SLC4A4: variants seen among roughly 807,000 people sequenced by gnomAD.
SLC4A4 encodes electrogenic sodium bicarbonate cotransporter 1.
In SLC4A4, 27 loss-of-function variants were observed where a neutral mutation model predicts 111.5. That is an observed-to-expected ratio of 0.24 (90% CI 0.18 to 0.33). The LOEUF (loss-of-function observed/expected upper bound fraction) is 0.33. Ranked by LOEUF, SLC4A4 falls within the 10% of genes least tolerant of loss-of-function variation. The probability of loss-of-function intolerance (pLI) is 1.00; values close to 1 mark genes in which losing one functional copy is unlikely to be tolerated. For synonymous variants in SLC4A4, 443 were observed against 463.4 expected, an observed-to-expected ratio of 0.96 and a Z score of 0.57; for missense variants, 909 against 1,315.5, an observed-to-expected ratio of 0.69 and a Z score of 4.78.
rs535818973 is a variant in SLC4A4, at chr4:71,075,936, C to T, written c.-65+13148C>T. Among the ~76,000 whole-genome samples, 30 of 149,634 alleles carry T rather than the reference C, an allele frequency of 2.0e-4. No individual in the cohort carries two copies. The South Asian group carries it at 6.2e-3, about 31-fold the overall frequency. On this transcript the variant is annotated intron_variant, in intron 1 of 26. Transcript: ENST00000649996. The stretch of plus-strand genomic sequence containing the variant: ...AGATTGCCATTGCACTCCAGCCTGG[C>T]GACAGAGCGAGACTCCATCTCTAAA...
intron 6 of SLC4A4, among the ~76,000 whole-genome samples, chr4:71,366,461 A>G (rs989497351): frequency 1.3e-5 from 2 of 152,062 alleles, no homozygotes; most frequent in African/African-American, 4.8e-5. Flanking sequence ...ATGTAAAACA[A>G]TATTCCTCAC....
At chr4:71,320,767 G>C (rs1727058605) in intron 3 of SLC4A4, among the ~76,000 whole-genome samples, 1 of 151,982 alleles carries the variant, frequency 6.6e-6, no homozygotes, top group Non-Finnish European at 1.5e-5. Context: ...TAAGTTTTAT[G>C]ATCGATAGTT....
intron 2 of SLC4A4, among the ~76,000 whole-genome samples, chr4:71,123,290 A>G (rs1238449232): frequency 2.6e-5 from 4 of 152,220 alleles, no homozygotes; most frequent in Non-Finnish European, 4.4e-5. Context: ...AATGAATGAA[A>G]AAGGCATATA....
chr4:71,452,224 C>T (rs992832114), intron 11 of SLC4A4, among the ~76,000 whole-genome samples: 2 of 152,120 alleles, frequency 1.3e-5, no homozygotes, highest in Non-Finnish European at 2.9e-5. Context: ...TATTATTCCT[C>T]TGTCCTTTAT....
At chr4:71,151,781 C>A (rs1289620586) in intron 2 of SLC4A4, among the ~76,000 whole-genome samples, 1 of 151,100 alleles carries the variant, frequency 6.6e-6, no homozygotes, top group Non-Finnish European at 1.5e-5. Context: ...AAAATTAAGG[C>A]CGGGCACGGT....
At chr4:71,425,483 C>G (rs1723039096) in intron 7 of SLC4A4, among the ~76,000 whole-genome samples, 1 of 152,136 alleles carries the variant, frequency 6.6e-6, no homozygotes, top group Non-Finnish European at 1.5e-5. Context: ...CAAAAAGTAT[C>G]TGAGACAAGT....
chr4:71,180,181 A>C (rs1284516404), intron 2 of SLC4A4, among the ~76,000 whole-genome samples: 1 of 152,170 alleles, frequency 6.6e-6, no homozygotes, highest in African/African-American at 2.4e-5. Context: ...CCTTCCTTAC[A>C]CCTTATACAA....
At chr4:71,250,142 A>AT (rs1024518717) in intron 2 of SLC4A4, among the ~76,000 whole-genome samples, 3 of 69,026 alleles carry the variant, frequency 4.3e-5, no homozygotes, top group Non-Finnish European at 1.2e-4. Flanking sequence ...TCTTTTCTTA[A>AT]TAAAAAAAAA....
At chr4:71,127,161 A>C (rs2148959586) in intron 2 of SLC4A4, among the ~76,000 whole-genome samples, 1 of 152,344 alleles carries the variant, frequency 6.6e-6, no homozygotes, top group South Asian at 2.1e-4. Flanking sequence ...GAAGAAAATC[A>C]GAGTGGAAAG....
In SLC4A4 at chr4:71,082,090, T is replaced by G. The variant is rs545592322; in HGVS notation, c.-64-10640T>G. Among the ~76,000 whole-genome samples, 3 of 152,224 alleles carry G rather than the reference T, an allele frequency of 2.0e-5. No homozygotes were observed. In the South Asian group the frequency reaches 6.2e-4, roughly 32 times the overall value. On this transcript the variant is annotated intron_variant, in intron 1 of 26. Coordinates refer to the SLC4A4 transcript ENST00000649996. ...ATCTTACTTATTTTGCTTCCTCCAC[T>G]TAATTAGTTGTATATATGTTAAACC...
intron 3 of SLC4A4, among the ~76,000 whole-genome samples, chr4:71,260,461 G>A (rs1045713230): frequency 6.6e-6 from 1 of 152,146 alleles, no homozygotes; most frequent in African/African-American, 2.4e-5. Context: ...CTTTGGAAAT[G>A]TATGAAAATG....
chr4:71,256,754 A>T (rs1027028662), intron 3 of SLC4A4, among the ~76,000 whole-genome samples: 3 of 152,194 alleles, frequency 2.0e-5, no homozygotes, highest in African/African-American at 7.2e-5. Flanking sequence ...GAGGAACAAA[A>T]GATAACATTC....
At chr4:71,343,179 G>T (rs541975604) in intron 4 of SLC4A4, among the ~76,000 whole-genome samples, 1 of 152,212 alleles carries the variant, frequency 6.6e-6, no homozygotes, top group Non-Finnish European at 1.5e-5. Flanking sequence ...AGAACTGATT[G>T]CCTTCGACAC....
intron 1 of SLC4A4, 26 bp from the exon 2 acceptor site, chr4:71,236,550 T>C: frequency 6.2e-7 from 1 of 1,604,284 alleles, no homozygotes; most frequent in Non-Finnish European, 8.5e-7. Context: ...GTCTGAGCAT[T>C]CTTTTTTTCT....
chr4:71,081,613 C>T (rs1045708581), intron 1 of SLC4A4, among the ~76,000 whole-genome samples: 7 of 152,044 alleles, frequency 4.6e-5, no homozygotes, highest in Non-Finnish European at 7.3e-5. Flanking sequence ...AGCCCTAAAG[C>T]ACAATGAGTT....
At chr4:71,142,275 A>G (rs1035757357) in intron 2 of SLC4A4, among the ~76,000 whole-genome samples, 1 of 152,212 alleles carries the variant, frequency 6.6e-6, no homozygotes, top group Non-Finnish European at 1.5e-5. Context: ...CTTTTACTAA[A>G]ACTAACACAA....
intron 2 of SLC4A4, among the ~76,000 whole-genome samples, chr4:71,246,346 G>A (rs578197275): frequency 6.6e-6 from 1 of 152,272 alleles, no homozygotes; most frequent in East Asian, 1.9e-4. Context: ...CCAAGGCTGT[G>A]CTCATCCCAA....
At chr4:71,144,620 C>A (rs1417723978) in intron 2 of SLC4A4, among the ~76,000 whole-genome samples, 2 of 151,336 alleles carry the variant, frequency 1.3e-5, no homozygotes, top group East Asian at 3.9e-4. Flanking sequence ...TCTTTTATTT[C>A]ATTGAGCAGG....
intron 2 of SLC4A4, among the ~76,000 whole-genome samples, chr4:71,116,943 C>CAA (rs112257014): frequency 5.1e-5 from 6 of 116,606 alleles, no homozygotes; most frequent in African/African-American, 1.2e-4. Context: ...AACTCCATCT[C>CAA]AAAAAAAAAA....
Sources: gnomAD v4.1 joint callset for allele counts (sites outside exome capture counted in the v4.1 genomes callset) on GRCh38, gnomAD v4.1.1 for gene constraint, MANE v1.5 for transcripts, NCBI Gene and HGNC (gene_info 2026-07-23, HGNC 2026-07-21) for gene names.